Variants in TCF25 observed in about 807,000 individuals in gnomAD.
TCF25 encodes the protein TCF25 ribosome quality control complex subunit, also known as ribosome quality control complex subunit TCF25.
A neutral mutation model predicts 83.1 loss-of-function variants in TCF25; 41 were observed. The observed-to-expected ratio is 0.49, with a 90% CI of 0.38 to 0.64. The LOEUF (loss-of-function observed/expected upper bound fraction) is 0.64. Ranked by LOEUF, TCF25 falls within the 30% of genes least tolerant of loss-of-function variation. The pLI is 0.00. For missense variants in TCF25, 979 were observed against 914.5 expected (o/e 1.07, Z -0.91); for synonymous variants, 458 against 365.0 (o/e 1.25, Z -2.90).
At chr16:89,892,389 G>C (rs1474886680) in intron 6 of TCF25, 114 bp downstream of exon 6, 1 of 1,219,658 alleles carries the variant, frequency 8.2e-7, no homozygotes. Context: ...GGTGGAGGGC[G>C]GCGGGGGGGT....
chr16:89,904,877 A>C, intron 13 of TCF25, 61 bp from the exon 14 acceptor site: 1 of 1,559,862 alleles, frequency 6.4e-7, no homozygotes, highest in East Asian at 2.4e-5. Flanking sequence ...GGGCTCTGCC[A>C]GCCTCGAGGC....
chr16:89,888,679 CTTT>C (rs530768255), intron 5 of TCF25, among the ~76,000 whole-genome samples: 3 of 135,044 alleles, frequency 2.2e-5, no homozygotes, highest in Non-Finnish European at 3.2e-5. Flanking sequence ...CTCTTTCTTT[CTTT>C]TTTTTTTTTT....
chr16:89,898,252 C>G (rs2044020819), intron 9 of TCF25, among the ~76,000 whole-genome samples: 1 of 151,364 alleles, frequency 6.6e-6, no homozygotes, highest in African/African-American at 2.4e-5. Context: ...CAGCAGAACC[C>G]AGAGAGCAGA....
At chr16:89,906,143 A>G (rs1489346553) in intron 14 of TCF25, 51 bp from the exon 15 acceptor site, 5 of 1,537,990 alleles carry the variant, frequency 3.3e-6, no homozygotes, top group African/African-American at 1.4e-5. Context: ...GGCGGTTACC[A>G]TTTCATTTGC....
At chr16:89,878,064 G>A (rs1236492677) in intron 1 of TCF25, among the ~76,000 whole-genome samples, 1 of 152,140 alleles carries the variant, frequency 6.6e-6, no homozygotes. Flanking sequence ...CATCACTTGA[G>A]CTCAGGTGTG....
At chr16:89,900,998 C>T (rs570029022) in intron 12 of TCF25, 152 of 533,198 alleles carry the variant, frequency 2.9e-4, no homozygotes, top group African/African-American at 2.5e-3. Context: ...AAGCCAGGCA[C>T]GAGGAGGTGG....
chr16:89,910,398 C>G (rs2045461745), intron 16 of TCF25, 193 bp from the exon 17 acceptor site: 3 of 621,794 alleles, frequency 4.8e-6, no homozygotes, highest in Non-Finnish European at 8.6e-6. Flanking sequence ...ACAGCCCCAC[C>G]CTAAGCTGAT....
intron 6 of TCF25, 103 bp from the exon 7 acceptor site, chr16:89,893,625 T>G (rs1210822430): frequency 6.4e-7 from 1 of 1,570,078 alleles, no homozygotes; most frequent in South Asian, 1.2e-5. Context: ...TTTGTCGATA[T>G]CGCAGAGGCC....
intron 7 of TCF25, 58 bp downstream of exon 7, chr16:89,893,916 G>A: frequency 6.5e-7 from 1 of 1,547,916 alleles, no homozygotes; most frequent in Non-Finnish European, 8.7e-7. Context: ...CCACTGCCCT[G>A]GGCCGCCTGC....
At chr16:89,882,144 T>C (rs1394984376) in intron 1 of TCF25, among the ~76,000 whole-genome samples, 1 of 152,204 alleles carries the variant, frequency 6.6e-6, no homozygotes, top group Admixed American at 6.5e-5. Context: ...TGTGAATGTA[T>C]GTTGTGAGGT....
In TCF25 at chr16:89,873,877, C is replaced by T; in HGVS notation, c.192+18C>T. The T allele has an allele frequency of 7.3e-7, 1 of 1,360,788 alleles. No homozygotes were observed. The highest frequency in any genetic ancestry group is 1.5e-5 in the African/African-American group (1 of 65,882). 84.3% of individuals were successfully genotyped at this position (1,360,788 alleles called of 1,614,324 possible). ...TCGAGCTGGTGAGGAGCGCGGCGGCCCGGGTGGGGGTGGGGTGGCCCTTGA... is the reference window on the plus strand; with the variant it reads ...TCGAGCTGGTGAGGAGCGCGGCGGCTCGGGTGGGGGTGGGGTGGCCCTTGA... On this transcript the variant is annotated intron_variant, in intron 1 of 17. Transcript: ENST00000263346.
At chr16:89,875,820 CTTTTTTTTTTTT>C (rs1164528945) in intron 1 of TCF25, among the ~76,000 whole-genome samples, 5 of 64,862 alleles carry the variant, frequency 7.7e-5, no homozygotes, top group African/African-American at 2.3e-4. Flanking sequence ...CTGCGCCTGG[CTTTTTTTTTTTT>C]TTTTTTTTTT....
intron 9 of TCF25, 88 bp from the exon 10 acceptor site, chr16:89,898,469 G>A (rs559537275): frequency 2.2e-5 from 29 of 1,322,734 alleles, no homozygotes; most frequent in Non-Finnish European, 2.8e-5. Flanking sequence ...AGCAGAGGGC[G>A]GGGTGGAGTG....
At chr16:89,907,358 CCACCTCCCTCCTCCCAGT>C (rs1290761736) in intron 16 of TCF25, 36 bp downstream of exon 16, 30 of 1,482,078 alleles carry the variant, frequency 2.0e-5, no homozygotes, top group Middle Eastern at 1.9e-4. Context: ...CTCCCAGCTC[CCACCTCCCTCCTCCCAGT>C]TCCCAGCTCC....
At chr16:89,878,842 C>T (rs891391567) in intron 1 of TCF25, among the ~76,000 whole-genome samples, 6 of 152,268 alleles carry the variant, frequency 3.9e-5, no homozygotes, top group African/African-American at 1.4e-4. Flanking sequence ...GGGGTTTCAC[C>T]GTGTTAGCGA....
intron 15 of TCF25, among the ~76,000 whole-genome samples, chr16:89,906,981 C>G (rs1404493638): frequency 6.6e-6 from 1 of 152,068 alleles, no homozygotes; most frequent in Non-Finnish European, 1.5e-5. Context: ...CCCTTCCTTC[C>G]CCACCACACA....
chr16:89,894,028 G>GT, intron 7 of TCF25, 170 bp downstream of exon 7: 1 of 968,934 alleles, frequency 1.0e-6, no homozygotes, highest in Non-Finnish European at 1.5e-6. Flanking sequence ...AAGGAGATGT[G>GT]TTCGGAGGCT....
At chr16:89,903,545 C>G (rs914607642) in intron 12 of TCF25, among the ~76,000 whole-genome samples, 5 of 152,160 alleles carry the variant, frequency 3.3e-5, no homozygotes, top group African/African-American at 1.2e-4. Context: ...GTGGCGGACG[C>G]CTGTAATCCC....
At position 89,901,589 on chromosome 16, in the gene TCF25, C is replaced by G. The variant is rs4785600; in HGVS notation, c.1381+795C>G. On this transcript the variant is annotated intron_variant, in intron 12 of 17. Coordinates refer to ENST00000263346, the MANE Select transcript of TCF25 (RefSeq NM_014972.3). ...TGAAACCACGTCTCTACTAAAAATA[C>G]AAAAAATTAGCCGGGCGTGTTGGCG... 3.4e-4 allele frequency among the ~76,000 whole-genome samples: 39 copies of G among 113,660 alleles called. 1 individual carries two copies. Among genetic ancestry groups the G allele is most frequent in the Admixed American group, 3.2e-3 (36 of 11,330 alleles). The allele number at this position is 113,660 out of a possible 152,430, so 74.6% of individuals were successfully genotyped here.
Sources: gnomAD v4.1 joint callset for allele counts (sites outside exome capture counted in the v4.1 genomes callset) on GRCh38, gnomAD v4.1.1 for gene constraint, MANE v1.5 for transcripts, NCBI Gene and HGNC (gene_info 2026-07-23, HGNC 2026-07-21) for gene names.